Variants in SUN5 observed in about 807,000 individuals in gnomAD.
SUN5 encodes the protein SUN domain-containing protein 5.
SUN5 carries 44 observed loss-of-function variants against 53.7 expected under a neutral mutation model. That is an observed-to-expected ratio of 0.82 (90% CI 0.64 to 1.05). SUN5 has a LOEUF of 1.05. Ranked by LOEUF, SUN5 falls within the 50% of genes least tolerant of loss-of-function variation. The pLI, the probability that SUN5 is intolerant of heterozygous loss-of-function variation, is 0.00. For synonymous variants in SUN5, 166 were observed against 179.8 expected (o/e 0.92, Z 0.62); for missense variants, 433 against 483.8 (o/e 0.90, Z 0.98).
Position 32,983,812 on chromosome 20 carries a change from G to A in SUN5, c.1122C>T (p.Pro374=). ...ATAAATTTTAATCTCTCTTAGGGTA[G>A]GGGTTCTGGTGAGGCTGCTCTCTGG... The part of the protein sequence containing the change: ...APPREQPHQN[P]YPKRD The change falls in exon 13 of 13, where the codon CCC becomes CCT. Residue 374 remains proline, a synonymous_variant. Transcript: ENST00000356173. 1 of 1,555,666 alleles carries A rather than the reference G, an allele frequency of 6.4e-7. No individual in the cohort carries two copies.
intron 8 of SUN5, among the ~76,000 whole-genome samples, chr20:32,992,866 C>T (rs898572916): frequency 1.3e-5 from 2 of 152,204 alleles, no homozygotes; most frequent in African/African-American, 4.8e-5. Context: ...GATACCACTT[C>T]TCACCCTGCA....
At chr20:32,999,832 A>G (rs1989954186) in intron 5 of SUN5, 1 of 1,357,980 alleles carries the variant, frequency 7.4e-7, no homozygotes, top group Non-Finnish European at 1.0e-6. Flanking sequence ...GAAACCCAGA[A>G]AGCGGAAGTA....
At chr20:32,984,290 G>T (rs141518856) in intron 12 of SUN5, among the ~76,000 whole-genome samples, 3 of 152,050 alleles carry the variant, frequency 2.0e-5, no homozygotes, top group Non-Finnish European at 4.4e-5. Context: ...CCAGGATTGC[G>T]GTGGGCATGA....
chr20:33,004,334 G>T lies in SUN5; in HGVS notation c.7C>A (p.Arg3=). ...GGGTCCCCAGGGCTCCTTGAGGACC[G>T]TGGCATCGATTTCCTTCTTTAGGAT... MP[R]SSRSPGDPGA... Residue 3 remains arginine, a synonymous_variant, in exon 1 of 13, where the codon CGG becomes AGG. Transcript: ENST00000356173. 1 of 1,563,930 alleles carries T rather than the reference G, an allele frequency of 6.4e-7. No individual in the cohort carries two copies. Among genetic ancestry groups the T allele is most frequent in the Non-Finnish European group, 8.7e-7 (1 of 1,153,970 alleles).
In SUN5 at chr20:33,004,363, G is replaced by A. The variant is rs866445873; in HGVS notation, c.-23C>T. On this transcript the variant is annotated 5_prime_UTR_variant, in exon 1 of 13. Transcript: ENST00000356173. ...CATCGATTTCCTTCTTTAGGATTGG[G>A]GATGGAGATGGGAACTCTGGGAGCT... 3.7e-5 allele frequency: 57 copies of A among 1,542,294 alleles called. 7 individuals carry two copies. In the Middle Eastern group the frequency reaches 9.3e-3, roughly 251 times the overall value.
chr20:32,989,852 A>G (rs985391243), intron 8 of SUN5, among the ~76,000 whole-genome samples, 154 bp from the exon 9 acceptor site: 4 of 152,080 alleles, frequency 2.6e-5, no homozygotes, highest in Non-Finnish European at 4.4e-5. Context: ...GTGAAAGCCC[A>G]GGTGACACAA....
chr20:32,985,905 T>C lies in SUN5; in HGVS notation c.730-2A>G, dbSNP rs147985510. ...GCAATTGCCAGGTGTCACGTTGGGCTAGAAGAGGCAAGTACAATAAGGGAT... is the reference window on the plus strand; with the variant it reads ...GCAATTGCCAGGTGTCACGTTGGGCCAGAAGAGGCAAGTACAATAAGGGAT... On this transcript the variant is annotated splice_acceptor_variant, in intron 10 of 12. Coordinates refer to ENST00000356173, the MANE Select transcript of SUN5 (RefSeq NM_080675.4). LOFTEE classifies it high-confidence loss of function. The C allele has an allele frequency of 1.1e-5, 18 of 1,613,382 alleles. No homozygotes were observed. The highest frequency in any genetic ancestry group is 1.4e-5 in the Non-Finnish European group (16 of 1,179,628).
intron 3 of SUN5, among the ~76,000 whole-genome samples, chr20:33,001,566 T>TTCTTTCTTTTCTTC (rs1568970962): frequency 2.2e-5 from 1 of 45,636 alleles, no homozygotes; most frequent in African/African-American, 9.5e-5. Context: ...TTCTTTCTTT[T>TTCTTTCTTTTCTTC]CTTCCTTCCT....
Position 32,983,840 on chromosome 20 carries a change from G to A in SUN5, c.1094C>T (p.Pro365Leu), listed in dbSNP as rs1329379104. 5.0e-6 allele frequency: 8 copies of A among 1,584,752 alleles called. No homozygotes were observed. The highest frequency in any genetic ancestry group is 1.8e-5 in the Admixed American group (1 of 56,666). Residue 365 changes from proline (P) to leucine (L), a missense_variant, in exon 13 of 13, where the codon CCG (proline) becomes CTG (leucine). By Grantham distance (98) the Pro-to-Leu change is moderately conservative. Transcript: ENST00000356173. The part of the protein sequence containing the change: ...YRVRVHGSVA[P>L]PREQPHQNPY... ...GTTCTGGTGAGGCTGCTCTCTGGGCGGGGCCACAGAGCCATGCACTCGCAC... is the reference window on the plus strand; with the variant it reads ...GTTCTGGTGAGGCTGCTCTCTGGGCAGGGCCACAGAGCCATGCACTCGCAC...
chr20:32,985,947 G>T, intron 10 of SUN5, 44 bp from the exon 11 acceptor site: 1 of 1,585,794 alleles, frequency 6.3e-7, no homozygotes, highest in South Asian at 1.2e-5. Flanking sequence ...GGTGGGTAGG[G>T]GGATCATCCC....
intron 3 of SUN5, 30 bp downstream of exon 3, chr20:33,002,557 G>A: frequency 6.2e-7 from 1 of 1,611,218 alleles, no homozygotes; most frequent in Non-Finnish European, 8.5e-7. Context: ...CCATATTGAT[G>A]ACGAAGGTGA....
chr20:32,995,097 G>T (rs1180199434), intron 8 of SUN5, among the ~76,000 whole-genome samples: 2 of 152,116 alleles, frequency 1.3e-5, no homozygotes, highest in Non-Finnish European at 2.9e-5. Context: ...TCCAAGGAAA[G>T]GAGACAGATA....
At chr20:32,984,044 G>A (rs781477184) in intron 12 of SUN5, 95 bp from the exon 13 acceptor site, 1 of 1,420,970 alleles carries the variant, frequency 7.0e-7, no homozygotes, top group East Asian at 2.6e-5. Context: ...CCATTTCATA[G>A]GTGGGAAAAC....
rs775634331 is a variant in SUN5 at position 32,985,114 on chromosome 20, C to A, written c.969G>T (p.Gln323His). The A allele has an allele frequency of 7.4e-6, 12 of 1,614,000 alleles. No individual in the cohort carries two copies. Among genetic ancestry groups the A allele is most frequent in the Non-Finnish European group, 9.3e-6 (11 of 1,179,998 alleles). The change falls in exon 12 of 13, where the codon CAG (glutamine) becomes CAT (histidine). Residue 323 changes from glutamine (Q) to histidine (H), a missense_variant. Coordinates refer to ENST00000356173, the MANE Select transcript of SUN5 (RefSeq NM_080675.4). ...AFQFQPENIIQMFPLQNQPAR... is the reference protein window; with the variant it reads ...AFQFQPENIIHMFPLQNQPAR... The stretch of plus-strand genomic sequence containing the variant: ...TCGCAGGTACCTGGAGTGGGAACAT[C>A]TGGATGATGTTTTCTGGCTGAAACT...
At chr20:32,992,301 A>T (rs1199121897) in intron 8 of SUN5, among the ~76,000 whole-genome samples, 1 of 152,234 alleles carries the variant, frequency 6.6e-6, no homozygotes, top group African/African-American at 2.4e-5. Context: ...AGAACCACTG[A>T]TTTAGCAGAA....
chr20:32,995,431 T>A (rs1395613810), intron 8 of SUN5, among the ~76,000 whole-genome samples, 188 bp downstream of exon 8: 5 of 152,182 alleles, frequency 3.3e-5, no homozygotes, highest in Non-Finnish European at 7.3e-5. Context: ...AGTACAAGGA[T>A]AGAAAAAGAT....
chr20:33,002,319 C>T (rs372874537), intron 3 of SUN5, among the ~76,000 whole-genome samples: 2 of 150,966 alleles, frequency 1.3e-5, no homozygotes, highest in East Asian at 3.9e-4. Context: ...TGGGTGAAAC[C>T]AGCAGCCAGA....
intron 9 of SUN5, among the ~76,000 whole-genome samples, chr20:32,989,146 C>T (rs925851486): frequency 1.2e-4 from 18 of 151,670 alleles, no homozygotes; most frequent in Admixed American, 2.6e-4. Context: ...AGGATGGTCT[C>T]GATCTCCTGA....
chr20:32,996,438 C>A (rs1758109822), intron 6 of SUN5, 80 bp from the exon 7 acceptor site: 2 of 1,318,716 alleles, frequency 1.5e-6, no homozygotes, highest in Admixed American at 1.8e-5. Context: ...CATCTATTCT[C>A]CCACAATTAT....
Sources: gnomAD v4.1 joint callset for allele counts (sites outside exome capture counted in the v4.1 genomes callset) on GRCh38, gnomAD v4.1.1 for gene constraint, MANE v1.5 for transcripts, NCBI Gene and HGNC (gene_info 2026-07-23, HGNC 2026-07-21) for gene names.